Variants in EFCAB11 observed in about 807,000 individuals in gnomAD.
The protein encoded by EFCAB11 is EF-hand calcium-binding domain-containing protein 11.
Under a neutral mutation model 23.0 loss-of-function variants are expected in EFCAB11, and 14 were observed. The observed-to-expected ratio is 0.61, with a 90% CI of 0.40 to 0.95. The LOEUF (loss-of-function observed/expected upper bound fraction) is 0.95. Ranked by LOEUF, EFCAB11 falls within the 40% of genes least tolerant of loss-of-function variation. The pLI is 0.00. For synonymous variants in EFCAB11, 65 were observed against 66.6 expected, an observed-to-expected ratio of 0.98 and a Z score of 0.11; for missense variants, 198 against 195.8, an observed-to-expected ratio of 1.01 and a Z score of -0.07.
chr14:89,911,693 G>A (rs1179873460), intron 5 of EFCAB11, among the ~76,000 whole-genome samples: 1 of 152,244 alleles, frequency 6.6e-6, no homozygotes, highest in Admixed American at 6.5e-5. Flanking sequence ...CAATCATTGT[G>A]TGAGCCTGGA....
At chr14:89,821,010 G>A (rs1886498893) in intron 5 of EFCAB11, among the ~76,000 whole-genome samples, 1 of 152,004 alleles carries the variant, frequency 6.6e-6, no homozygotes, top group Non-Finnish European at 1.5e-5. Context: ...TGAACTCCTG[G>A]GATCAAATGC....
chr14:89,873,804 G>A (rs1211879956), intron 5 of EFCAB11, among the ~76,000 whole-genome samples: 1 of 152,242 alleles, frequency 6.6e-6, no homozygotes, highest in East Asian at 1.9e-4. Context: ...GCCTTGGGAA[G>A]CTCTGCCCCT....
At chr14:89,948,300 T>C (rs1435079833) in intron 3 of EFCAB11, among the ~76,000 whole-genome samples, 1 of 152,170 alleles carries the variant, frequency 6.6e-6, no homozygotes, top group African/African-American at 2.4e-5. Flanking sequence ...TCACCACAGT[T>C]AAAATGGCTT....
intron 5 of EFCAB11, among the ~76,000 whole-genome samples, chr14:89,890,033 T>C (rs1016721940): frequency 4.6e-5 from 7 of 152,230 alleles, no homozygotes; most frequent in Non-Finnish European, 1.0e-4. Context: ...TGGGGACCCA[T>C]CAACACACTT....
At chr14:89,798,763 A>G (rs1165891382) in intron 5 of EFCAB11, among the ~76,000 whole-genome samples, 3 of 152,176 alleles carry the variant, frequency 2.0e-5, no homozygotes, top group Non-Finnish European at 4.4e-5. Context: ...TGACTTTCTC[A>G]GTAAACGACC....
At chr14:89,944,791 GAA>G (rs1385768489) in intron 3 of EFCAB11, among the ~76,000 whole-genome samples, 1 of 151,566 alleles carries the variant, frequency 6.6e-6, no homozygotes, top group Non-Finnish European at 1.5e-5. Context: ...CAATAATCCT[GAA>G]AGTCTTATTT....
At chr14:89,875,565 T>C (rs987097963) in intron 5 of EFCAB11, among the ~76,000 whole-genome samples, 2 of 152,096 alleles carry the variant, frequency 1.3e-5, no homozygotes, top group Non-Finnish European at 2.9e-5. Context: ...AAGAGGTTGA[T>C]TTAGAGGTTC....
chr14:89,841,541 T>A (rs997221235), intron 5 of EFCAB11, among the ~76,000 whole-genome samples: 7 of 151,996 alleles, frequency 4.6e-5, no homozygotes, highest in African/African-American at 1.5e-4. Flanking sequence ...AGTCAATGAC[T>A]CAACAACTAC....
At chr14:89,834,414 T>A (rs1022938540) in intron 5 of EFCAB11, among the ~76,000 whole-genome samples, 8 of 150,894 alleles carry the variant, frequency 5.3e-5, no homozygotes, top group Non-Finnish European at 8.8e-5. Flanking sequence ...CCTTTTTGTT[T>A]AAACTTCTAA....
At chr14:89,818,562 A>C (rs1325548339) in intron 5 of EFCAB11, among the ~76,000 whole-genome samples, 1 of 152,226 alleles carries the variant, frequency 6.6e-6, no homozygotes, top group Non-Finnish European at 1.5e-5. Context: ...TATATTTTAA[A>C]AATTTCTGCT....
intron 5 of EFCAB11, among the ~76,000 whole-genome samples, chr14:89,910,251 C>T (rs140695321): frequency 1.0e-3 from 153 of 152,256 alleles, no homozygotes; most frequent in Non-Finnish European, 1.8e-3. Context: ...ATTTTGGCCA[C>T]GTTAAGTGTG....
intron 5 of EFCAB11, among the ~76,000 whole-genome samples, chr14:89,854,679 C>T (rs1281611617): frequency 3.3e-5 from 5 of 152,064 alleles, no homozygotes; most frequent in African/African-American, 9.7e-5. Flanking sequence ...ATACACAGCC[C>T]AAATTGCCCC....
chr14:89,891,700 C>T (rs1250827171), intron 5 of EFCAB11, among the ~76,000 whole-genome samples: 4 of 152,120 alleles, frequency 2.6e-5, no homozygotes, highest in African/African-American at 9.7e-5. Context: ...CACACACACA[C>T]ACGCACGCGC....
At chr14:89,946,949 T>C (rs2139840856) in intron 3 of EFCAB11, among the ~76,000 whole-genome samples, 1 of 152,268 alleles carries the variant, frequency 6.6e-6, no homozygotes, top group South Asian at 2.1e-4. Context: ...TTATGATTTT[T>C]TAACATACTA....
Position 89,929,031 on chromosome 14 carries a change from A to ATATATATATATTTTATATATATATATTT in EFCAB11, c.410+2509_410+2510insAAATATATATATATAAAATATATATATA, listed in dbSNP as rs1890292913. On this transcript the variant is annotated intron_variant, in intron 5 of 5. Coordinates refer to ENST00000316738, the MANE Select transcript of EFCAB11 (RefSeq NM_145231.4). ...GAAAGATGGACATATAAATACATACATATATATATATATACACACACACAT... is the reference window on the plus strand; with the variant it reads ...GAAAGATGGACATATAAATACATACATATATATATATTTTATATATATATATTTTATATATATATATACACACACACAT... Among the ~76,000 whole-genome samples the ATATATATATATTTTATATATATATATTT allele has an allele frequency of 6.9e-5, 9 of 129,696 alleles. No homozygotes were observed. In the South Asian group the frequency reaches 9.8e-4, roughly 14 times the overall value. 85.1% of individuals were successfully genotyped at this position (129,696 alleles called of 152,430 possible).
intron 5 of EFCAB11, chr14:89,924,434 T>C (rs1193605443): frequency 3.7e-6 from 5 of 1,346,486 alleles, no homozygotes; most frequent in East Asian, 3.0e-5. Context: ...TTTCATCTCA[T>C]GACTGGGAAG....
At chr14:89,797,474 C>T (rs1041160700) in intron 5 of EFCAB11, 150 bp from the exon 6 acceptor site, 2 of 539,500 alleles carry the variant, frequency 3.7e-6, no homozygotes, top group Non-Finnish European at 6.4e-6. Context: ...CCTGTTTTTT[C>T]ATTGATAATA....
At chr14:89,912,074 T>C (rs764573142) in intron 5 of EFCAB11, among the ~76,000 whole-genome samples, 3 of 152,220 alleles carry the variant, frequency 2.0e-5, no homozygotes, top group Non-Finnish European at 4.4e-5. Flanking sequence ...CACGCTTTCT[T>C]AGCCAACAGA....
Position 89,797,125 on chromosome 14 carries a change from T to C in EFCAB11, c.*118A>G. 1 of 913,314 alleles carries C rather than the reference T, an allele frequency of 1.1e-6. No individual in the cohort carries two copies. Among genetic ancestry groups the C allele is most frequent in the Non-Finnish European group, 1.6e-6 (1 of 619,432 alleles). 56.6% of individuals were successfully genotyped at this position (913,314 alleles called of 1,614,324 possible). A position where few individuals can be genotyped will look rare whatever the true frequency, so the allele number is the denominator to read the frequency against. ...TGCACCTACTATGTACCCACAAAAA[T>C]TAAAAATTTTTAAATGTTTAATCAC... On this transcript the variant is annotated 3_prime_UTR_variant, in exon 6 of 6. Transcript: ENST00000316738.
Sources: allele counts gnomAD v4.1 joint callset (sites outside exome capture counted in the v4.1 genomes callset), GRCh38; gene constraint gnomAD v4.1.1; transcripts MANE v1.5; gene names NCBI Gene and HGNC (gene_info 2026-07-23, HGNC 2026-07-21).